Variants in AGPAT4 observed in about 807,000 individuals in gnomAD.
AGPAT4 encodes the protein 1-acyl-sn-glycerol-3-phosphate acyltransferase delta.
In AGPAT4, 15 loss-of-function variants were observed where a neutral mutation model predicts 48.0. The observed-to-expected ratio is 0.31, with a 90% CI of 0.21 to 0.48. AGPAT4 has a LOEUF of 0.48. AGPAT4 is among the 20% of genes least tolerant of loss of function. The pLI is 0.99. For missense variants in AGPAT4, 314 were observed against 482.5 expected (o/e 0.65, Z 3.27); for synonymous variants, 178 against 198.7 (o/e 0.90, Z 0.88).
In AGPAT4 at chr6:161,178,349, G is replaced by A. The variant is rs954933312; in HGVS notation, c.179-11932C>T. 1.3e-5 allele frequency among the ~76,000 whole-genome samples: 2 copies of A among 152,316 alleles called. No homozygotes were observed. The highest frequency in any genetic ancestry group is 1.9e-4 in the East Asian group (1 of 5,182). On this transcript the variant is annotated intron_variant, in intron 2 of 8. Transcript: ENST00000320285. The surrounding 1 kb of genome is among the most constrained non-coding windows in gnomAD (Gnocchi z 5.1). ...TCAGCAATGGCGGATGCCCCTCCCC[G>A]AACCTCGCTGCCGCCTTGCAGTTCG...
chr6:161,157,818 G>A (rs144292878), intron 3 of AGPAT4, among the ~76,000 whole-genome samples: 233 of 152,268 alleles, frequency 1.5e-3, no homozygotes, highest in African/African-American at 5.3e-3. Context: ...AAAAGCTCTG[G>A]AATGAGACAG....
rs896939187 is a variant in AGPAT4, at chr6:161,212,451, T to C, written c.178+19585A>G. ...TTACCTAATTAATCCTTTAAGACAT[T>C]AGATTCCCTAAAGTCCAAAAGTGAC... On this transcript the variant is annotated intron_variant, in intron 2 of 8. Coordinates refer to ENST00000320285, the MANE Select transcript of AGPAT4 (RefSeq NM_020133.3). The surrounding 1 kb of genome is among the most constrained non-coding windows in gnomAD (Gnocchi z 6.1). Among the ~76,000 whole-genome samples, 9 of 152,156 alleles carry C rather than the reference T, an allele frequency of 5.9e-5. No individual in the cohort carries two copies. The highest frequency in any genetic ancestry group is 1.3e-4 in the Non-Finnish European group (9 of 68,018).
At position 161,154,654 on chromosome 6, in the gene AGPAT4, G is replaced by A. The variant is rs955415560; in HGVS notation, c.349-344C>T. 8.3e-4 allele frequency among the ~76,000 whole-genome samples: 127 copies of A among 152,278 alleles called. No homozygotes were observed. The highest frequency in any genetic ancestry group is 2.8e-3 in the African/African-American group (118 of 41,574). ...TCCAAACGGTTTCTAGGTTATCACC[G>A]TCACATACTCGCTAAGCCCACCGTG... is the stretch of plus-strand genomic sequence containing the variant. On this transcript the variant is annotated intron_variant, in intron 3 of 8. Transcript: ENST00000320285. The surrounding 1 kb of genome is among the most constrained non-coding windows in gnomAD (Gnocchi z 7.8).
In AGPAT4 at chr6:161,139,356, A is replaced by G; in HGVS notation, c.1042+66T>C. The G allele has an allele frequency of 1.9e-6, 3 of 1,569,082 alleles. No homozygotes were observed. In the East Asian group the frequency reaches 6.8e-5, roughly 35 times the overall value. ...TGCCTATACAGATGGCCTTCGTCCC[A>G]GCCCTGATGCCACCTCTCCCAGGGT... On this transcript the variant is annotated intron_variant, in intron 8 of 8. Transcript: ENST00000320285. This position sits in a 1 kb window ranked among gnomAD's most constrained non-coding sequence, Gnocchi z 9.1.
intron 2 of AGPAT4, among the ~76,000 whole-genome samples, chr6:161,168,035 C>T: frequency 6.6e-6 from 1 of 152,090 alleles, no homozygotes; most frequent in Non-Finnish European, 1.5e-5. Flanking sequence ...TTCAGTTGTC[C>T]CACCAGGCCA....
rs1781951148 is a variant in AGPAT4, at chr6:161,225,447, G to A, written c.178+6589C>T. Among the ~76,000 whole-genome samples, 1 of 152,208 alleles carries A rather than the reference G, an allele frequency of 6.6e-6. No homozygotes were observed. ...TTCTATAGAAGTAACTTGCCTTGCT[G>A]AGAATTAAAAAGAAAATTTTATATT... On this transcript the variant is annotated intron_variant, in intron 2 of 8. Coordinates refer to ENST00000320285, the MANE Select transcript of AGPAT4 (RefSeq NM_020133.3). The surrounding 1 kb of genome is among the most constrained non-coding windows in gnomAD (Gnocchi z 5.0).
intron 2 of AGPAT4, among the ~76,000 whole-genome samples, chr6:161,205,350 C>CT (rs1185383297): frequency 6.6e-5 from 10 of 152,098 alleles, no homozygotes; most frequent in Non-Finnish European, 2.9e-5. Context: ...CTTAAGGCTC[C>CT]TTTCTCCTCT....
chr6:161,271,011 T>C (rs1783406491), intron 1 of AGPAT4, among the ~76,000 whole-genome samples: 1 of 152,204 alleles, frequency 6.6e-6, no homozygotes, highest in African/African-American at 2.4e-5. Flanking sequence ...GTCTGGCCTT[T>C]CGTTGTTAAG....
rs1162750557 is a variant in AGPAT4, at chr6:161,148,297, T to A, written c.767+890A>T. On this transcript the variant is annotated intron_variant, in intron 6 of 8. Transcript: ENST00000320285. This position sits in a 1 kb window ranked among gnomAD's most constrained non-coding sequence, Gnocchi z 5.5. ...GAAGTCAGTGATGATGACGATGCTG[T>A]CCTATTTTCATGGGAAAGCCAGAGT... 1.3e-5 allele frequency among the ~76,000 whole-genome samples: 2 copies of A among 152,180 alleles called. No homozygotes were observed. Among genetic ancestry groups the A allele is most frequent in the Non-Finnish European group, 2.9e-5 (2 of 68,032 alleles).
At position 161,141,245 on chromosome 6, in the gene AGPAT4, G is replaced by A. The variant is rs1290375029; in HGVS notation, c.844-1625C>T. On this transcript the variant is annotated intron_variant, in intron 7 of 8. Transcript: ENST00000320285. The surrounding 1 kb of genome is among the most constrained non-coding windows in gnomAD (Gnocchi z 6.7). ...CCCATTAACAAGCCTGGTCCGAAGC[G>A]TCACTTGTCGCGTGACTCTGCTGTT... is the stretch of plus-strand genomic sequence containing the variant. Among the ~76,000 whole-genome samples the A allele has an allele frequency of 2.0e-5, 3 of 152,064 alleles. No homozygotes were observed. The highest frequency in any genetic ancestry group is 4.4e-5 in the Non-Finnish European group (3 of 68,018).
In AGPAT4 at chr6:161,236,011, G is replaced by A. The variant is rs557484457; in HGVS notation, c.-89-3709C>T. ...CCAATTTCATGTCATGCCGAGGAAA[G>A]ATGGTATAAATATCTGGCCAGCGAT... is the stretch of plus-strand genomic sequence containing the variant. On this transcript the variant is annotated intron_variant, in intron 1 of 8. Coordinates refer to ENST00000320285, the MANE Select transcript of AGPAT4 (RefSeq NM_020133.3). This position sits in a 1 kb window ranked among gnomAD's most constrained non-coding sequence, Gnocchi z 5.0. Among the ~76,000 whole-genome samples, 5 of 152,334 alleles carry A rather than the reference G, an allele frequency of 3.3e-5. No individual in the cohort carries two copies. The South Asian group carries it at 1.0e-3, about 32-fold the overall frequency.
chr6:161,206,969 T>C lies in AGPAT4; in HGVS notation c.178+25067A>G, dbSNP rs1781394008. Among the ~76,000 whole-genome samples, 1 of 152,220 alleles carries C rather than the reference T, an allele frequency of 6.6e-6. No homozygotes were observed. Among genetic ancestry groups the C allele is most frequent in the African/African-American group, 2.4e-5 (1 of 41,460 alleles). The stretch of plus-strand genomic sequence containing the variant: ...GCAGAACAGTAGAAATCAGCTCATC[T>C]GGACAACAGAGAAAATAGGCTGAAA... On this transcript the variant is annotated intron_variant, in intron 2 of 8. Transcript: ENST00000320285. The surrounding 1 kb of genome is among the most constrained non-coding windows in gnomAD (Gnocchi z 4.8).
At chr6:161,172,534 C>G (rs1294536794) in intron 2 of AGPAT4, among the ~76,000 whole-genome samples, 1 of 152,176 alleles carries the variant, frequency 6.6e-6, no homozygotes, top group Admixed American at 6.5e-5. Flanking sequence ...GCCAGCTGGA[C>G]AGAAAGGCCA....
rs1281328126 is a variant in AGPAT4 at position 161,178,227 on chromosome 6, C to G, written c.179-11810G>C. Among the ~76,000 whole-genome samples, 1 of 152,174 alleles carries G rather than the reference C, an allele frequency of 6.6e-6. No homozygotes were observed. The highest frequency in any genetic ancestry group is 1.5e-5 in the Non-Finnish European group (1 of 68,038). The stretch of plus-strand genomic sequence containing the variant: ...GCAGAAGTTTCTGCTGCCCTGCCCC[C>G]AGAGGTGGAGTCTACAGAGGCATGC... On this transcript the variant is annotated intron_variant, in intron 2 of 8. Transcript: ENST00000320285. The surrounding 1 kb of genome is among the most constrained non-coding windows in gnomAD (Gnocchi z 5.1).
chr6:161,151,945 G>A (rs113282954), intron 5 of AGPAT4, among the ~76,000 whole-genome samples: 1,849 of 152,372 alleles, frequency 0.012, 39 homozygotes, highest in African/African-American at 0.042. Context: ...CCCAGAGCAA[G>A]AGAGACATTT....
chr6:161,172,404 G>A (rs536065290), intron 2 of AGPAT4, among the ~76,000 whole-genome samples: 1 of 152,290 alleles, frequency 6.6e-6, no homozygotes, highest in Non-Finnish European at 1.5e-5. Context: ...GGTACACACA[G>A]ACTGTGGGAC....
rs1782508202 is a variant in AGPAT4, at chr6:161,242,021, C to T, written c.-89-9719G>A. On this transcript the variant is annotated intron_variant, in intron 1 of 8. Transcript: ENST00000320285. This position sits in a 1 kb window ranked among gnomAD's most constrained non-coding sequence, Gnocchi z 5.0. ...GTGCTGGGATTACAGGCGTGAGCCA[C>T]AGCACCTGGCCAAAAATGTTTACAG... 6.6e-6 allele frequency among the ~76,000 whole-genome samples: 1 copy of T among 152,244 alleles called. No homozygotes were observed. Among genetic ancestry groups the T allele is most frequent in the African/African-American group, 2.4e-5 (1 of 41,466 alleles).
intron 8 of AGPAT4, 117 bp from the exon 9 acceptor site, chr6:161,136,751 G>T (rs878975211): frequency 9.7e-5 from 78 of 805,926 alleles, no homozygotes; most frequent in Middle Eastern, 5.3e-4. Context: ...CTCAGAGCTG[G>T]CTGGCGGGTT....
rs1276981731 is a variant in AGPAT4, at chr6:161,216,156, C to T, written c.178+15880G>A. Among the ~76,000 whole-genome samples, 5 of 152,226 alleles carry T rather than the reference C, an allele frequency of 3.3e-5. No homozygotes were observed. Among genetic ancestry groups the T allele is most frequent in the Non-Finnish European group, 4.4e-5 (3 of 68,038 alleles). On this transcript the variant is annotated intron_variant, in intron 2 of 8. Coordinates refer to ENST00000320285, the MANE Select transcript of AGPAT4 (RefSeq NM_020133.3). The surrounding 1 kb of genome is among the most constrained non-coding windows in gnomAD (Gnocchi z 4.8). ...CTTCTTCATAGTCTGACAAAGGAGACTAACACTCTTAGACACAAATACAAG... is the reference window on the plus strand; with the variant it reads ...CTTCTTCATAGTCTGACAAAGGAGATTAACACTCTTAGACACAAATACAAG...
Sources: allele counts gnomAD v4.1 joint callset (sites outside exome capture counted in the v4.1 genomes callset), GRCh38; gene constraint gnomAD v4.1.1; non-coding constraint Gnocchi (gnomAD v3.1); transcripts MANE v1.5; gene names NCBI Gene and HGNC (gene_info 2026-07-23, HGNC 2026-07-21).